Variants in CDYL observed in about 807,000 individuals in gnomAD.
CDYL encodes chromodomain Y-like protein.
A neutral mutation model predicts 47.3 loss-of-function variants in CDYL; 8 were observed. The ratio of observed to expected loss-of-function variants is 0.17; its 90% CI spans 0.10 to 0.31. The LOEUF (loss-of-function observed/expected upper bound fraction) is 0.31. CDYL is among the 10% of genes least tolerant of loss of function. The pLI is 1.00. For missense variants in CDYL, 471 were observed against 701.4 expected (o/e 0.67, Z 3.71); for synonymous variants, 266 against 265.0 (o/e 1.00, Z -0.04).
intron 4 of CDYL, among the ~76,000 whole-genome samples, chr6:4,940,120 GA>G (rs1758321345): frequency 2.0e-5 from 3 of 152,056 alleles, no homozygotes; most frequent in Admixed American, 2.0e-4. Context: ...CTCCTTTGTT[GA>G]ACTTGATGTC....
At chr6:4,778,145 G>A (rs1002704297) in intron 1 of CDYL, among the ~76,000 whole-genome samples, 1 of 152,158 alleles carries the variant, frequency 6.6e-6, no homozygotes, top group Non-Finnish European at 1.5e-5. Flanking sequence ...AGAAATGGAG[G>A]CTAGGATGTT....
At chr6:4,731,024 G>A (rs1232013572) in intron 2 of CDYL, among the ~76,000 whole-genome samples, 1 of 152,196 alleles carries the variant, frequency 6.6e-6, no homozygotes, top group Non-Finnish European at 1.5e-5. Flanking sequence ...TGTTTTCAAC[G>A]TCTGGGCCTG....
At chr6:4,916,510 A>C (rs566754636) in intron 2 of CDYL, among the ~76,000 whole-genome samples, 3 of 152,332 alleles carry the variant, frequency 2.0e-5, no homozygotes, top group Admixed American at 2.0e-4. Flanking sequence ...AGGTTTTGAA[A>C]AGTTCACTGT....
intron 2 of CDYL, chr6:4,724,666 G>A (rs1008633731): frequency 6.6e-6 from 1 of 152,306 alleles, no homozygotes; most frequent in Non-Finnish European, 1.5e-5. Context: ...GACCTTCGCA[G>A]TGAGTGTTAC....
intron 1 of CDYL, among the ~76,000 whole-genome samples, chr6:4,819,820 G>A (rs1305173288): frequency 6.6e-6 from 1 of 151,808 alleles, no homozygotes; most frequent in East Asian, 1.9e-4. Context: ...TATGGGTAGA[G>A]GCCAGGGATT....
At chr6:4,835,431 A>C (rs922845725) in intron 1 of CDYL, among the ~76,000 whole-genome samples, 13 of 152,132 alleles carry the variant, frequency 8.5e-5, no homozygotes, top group Non-Finnish European at 1.5e-5. Context: ...TTCCCCTGGA[A>C]GTTTTGTCTC....
intron 1 of CDYL, among the ~76,000 whole-genome samples, chr6:4,788,732 C>T (rs188396918): frequency 1.3e-5 from 2 of 151,578 alleles, no homozygotes; most frequent in East Asian, 3.9e-4. Flanking sequence ...TGCTTCCCCA[C>T]CACCATTCGG....
intron 3 of CDYL, among the ~76,000 whole-genome samples, chr6:4,762,645 CAAAAAA>C (rs1173404314): frequency 0.026 from 1,024 of 39,694 alleles, 17 homozygotes; most frequent in South Asian, 0.071. Flanking sequence ...TAAAGGGTAC[CAAAAAA>C]AAAAAAAAAA....
intron 5 of CDYL, among the ~76,000 whole-genome samples, chr6:4,949,073 G>A (rs1758616481): frequency 6.6e-6 from 1 of 152,266 alleles, no homozygotes; most frequent in Admixed American, 6.5e-5. Context: ...AGTGCAGGCT[G>A]TGTGGCCTCT....
In CDYL at chr6:4,954,226, C is replaced by T. The variant is rs2127531656; in HGVS notation, c.*170C>T. 1.7e-6 allele frequency: 1 copy of T among 590,744 alleles called. No individual in the cohort carries two copies. The highest frequency in any genetic ancestry group is 2.8e-6 in the Non-Finnish European group (1 of 358,156). 36.6% of individuals were successfully genotyped at this position (590,744 alleles called of 1,614,324 possible). On this transcript the variant is annotated 3_prime_UTR_variant, in exon 7 of 7. Coordinates refer to ENST00000397588, the MANE Select transcript of CDYL (RefSeq NM_004824.4). Reference sequence around the variant, plus strand: ...TTTATTATCGAGGAGTTTTAAAGTACTGTAACTTTAAAATAAATAACTACA... The same window carrying T: ...TTTATTATCGAGGAGTTTTAAAGTATTGTAACTTTAAAATAAATAACTACA...
At chr6:4,793,989 G>A (rs540853702) in intron 1 of CDYL, among the ~76,000 whole-genome samples, 1 of 152,246 alleles carries the variant, frequency 6.6e-6, no homozygotes, top group East Asian at 1.9e-4. Context: ...ATCCCTTTTA[G>A]ACATCTAGTG....
In CDYL at chr6:4,767,677, C is replaced by G. The variant is rs539799079; in HGVS notation, c.186+32833C>G. On this transcript the variant is annotated intron_variant, in intron 3 of 8. Transcript: ENST00000328908. The stretch of plus-strand genomic sequence containing the variant: ...CTAATTAAATAGGCCTACAAAATTC[C>G]TTCAGCAAATATCATCCCTAATGGT... 2.0e-4 allele frequency among the ~76,000 whole-genome samples: 30 copies of G among 152,182 alleles called. No individual in the cohort carries two copies. In the South Asian group the frequency reaches 6.2e-3, roughly 32 times the overall value.
At chr6:4,923,747 A>G (rs1471763275) in intron 2 of CDYL, among the ~76,000 whole-genome samples, 8 of 152,086 alleles carry the variant, frequency 5.3e-5, no homozygotes, top group African/African-American at 1.9e-4. Flanking sequence ...AATATTTAAA[A>G]AAAATTAGCC....
intron 2 of CDYL, chr6:4,734,617 C>A (rs374899691): frequency 5.4e-5 from 61 of 1,123,830 alleles, no homozygotes; most frequent in African/African-American, 3.5e-4. Flanking sequence ...AAGGAGAGAC[C>A]AGTTTCTATG....
At chr6:4,839,217 C>G (rs888804849) in intron 1 of CDYL, among the ~76,000 whole-genome samples, 5 of 152,076 alleles carry the variant, frequency 3.3e-5, no homozygotes, top group African/African-American at 9.7e-5. Flanking sequence ...ATTTGTATAT[C>G]TTCTTTTGAG....
intron 1 of CDYL, among the ~76,000 whole-genome samples, chr6:4,835,441 C>T (rs1411164018): frequency 1.3e-5 from 2 of 152,200 alleles, no homozygotes; most frequent in Non-Finnish European, 2.9e-5. Flanking sequence ...AGTTTTGTCT[C>T]AGAGGAGTAC....
chr6:4,953,758 A>G (rs1040674970), intron 6 of CDYL, 140 bp from the exon 7 acceptor site: 2 of 746,148 alleles, frequency 2.7e-6, no homozygotes, highest in Non-Finnish European at 4.3e-6. Context: ...TAGGCCCGAC[A>G]TATTGTGAGA....
At chr6:4,909,441 G>A (rs2127499145) in intron 2 of CDYL, among the ~76,000 whole-genome samples, 1 of 152,282 alleles carries the variant, frequency 6.6e-6, no homozygotes, top group East Asian at 1.9e-4. Flanking sequence ...ATTGACATCA[G>A]TCTTTATTGC....
intron 1 of CDYL, among the ~76,000 whole-genome samples, chr6:4,849,886 G>A (rs1414018897): frequency 4.1e-5 from 6 of 147,120 alleles, no homozygotes; most frequent in Admixed American, 3.4e-4. Context: ...ATGGTGTGAC[G>A]TGCTCAGGAG....
Sources: gnomAD v4.1 joint callset for allele counts (sites outside exome capture counted in the v4.1 genomes callset) on GRCh38, gnomAD v4.1.1 for gene constraint, MANE v1.5 for transcripts, NCBI Gene and HGNC (gene_info 2026-07-23, HGNC 2026-07-21) for gene names.